The following EPB41 variants were observed in gnomAD, a reference collection of about 807,000 sequenced individuals.
EPB41 encodes the protein protein 4.1.
In EPB41, 65 loss-of-function variants were observed where a neutral mutation model predicts 108.0. The ratio of observed to expected loss-of-function variants is 0.60; its 90% confidence interval spans 0.49 to 0.74. The LOEUF is 0.74. Ranked by LOEUF, EPB41 falls within the 30% of genes least tolerant of loss-of-function variation. EPB41 has a pLI of 0.00. For missense variants in EPB41, 875 were observed against 1,037.0 expected (o/e 0.84, Z 2.15); for synonymous variants, 336 against 358.9 (o/e 0.94, Z 0.72).
At chr1:28,963,665 C>T (rs1411689608) in intron 1 of EPB41, among the ~76,000 whole-genome samples, 5 of 152,058 alleles carry the variant, frequency 3.3e-5, no homozygotes, top group African/African-American at 9.7e-5. Context: ...ATTCTCAGAT[C>T]GTTCATGGCA....
intron 11 of EPB41, among the ~76,000 whole-genome samples, chr1:29,051,847 G>A (rs981846557): frequency 1.3e-5 from 2 of 151,346 alleles, no homozygotes; most frequent in East Asian, 3.9e-4. Context: ...CTAGTGAGCC[G>A]AGATCATGCC....
At chr1:29,039,909 A>G (rs772230236) in intron 11 of EPB41, among the ~76,000 whole-genome samples, 40 of 152,238 alleles carry the variant, frequency 2.6e-4, no homozygotes, top group Non-Finnish European at 4.1e-4. Flanking sequence ...TGAGATTCCG[A>G]GAGTAGTGAC....
intron 1 of EPB41, among the ~76,000 whole-genome samples, chr1:28,888,043 T>A (rs1002718258): frequency 1.3e-5 from 2 of 152,198 alleles, no homozygotes; most frequent in Non-Finnish European, 2.9e-5. Flanking sequence ...CCTCTCCAGC[T>A]AGTTGGAGGC....
At chr1:28,967,905 A>T (rs1244936252) in intron 1 of EPB41, among the ~76,000 whole-genome samples, 1 of 151,270 alleles carries the variant, frequency 6.6e-6, no homozygotes, top group African/African-American at 2.4e-5. Flanking sequence ...CCCCGGTTCA[A>T]GTGATTTTCA....
chr1:29,058,091 CAT>C (rs762246161), intron 12 of EPB41, among the ~76,000 whole-genome samples: 6 of 152,170 alleles, frequency 3.9e-5, no homozygotes, highest in Non-Finnish European at 8.8e-5. Flanking sequence ...AGTTTGGTGT[CAT>C]ATGTGGTTTA....
chr1:29,096,546 G>A, intron 16 of EPB41: 1 of 985,736 alleles, frequency 1.0e-6, no homozygotes, highest in Non-Finnish European at 1.2e-6. Flanking sequence ...AAACAAAATG[G>A]ATCATTTCTT....
intron 11 of EPB41, among the ~76,000 whole-genome samples, chr1:29,042,696 C>G (rs1333516559): frequency 6.6e-6 from 1 of 151,902 alleles, no homozygotes; most frequent in Non-Finnish European, 1.5e-5. Context: ...CTAGGCTAGT[C>G]TTGAACTCCT....
chr1:28,927,378 A>T (rs2093505687), intron 1 of EPB41, among the ~76,000 whole-genome samples: 1 of 152,060 alleles, frequency 6.6e-6, no homozygotes, highest in Admixed American at 6.6e-5. Context: ...GTGAAAAAAA[A>T]TTTTCAGTAA....
chr1:28,943,675 A>T (rs967585497), intron 1 of EPB41, among the ~76,000 whole-genome samples: 1 of 151,974 alleles, frequency 6.6e-6, no homozygotes, highest in African/African-American at 2.4e-5. Context: ...AAACAAACAC[A>T]CTACAACGAG....
intron 17 of EPB41, among the ~76,000 whole-genome samples, chr1:29,107,889 C>T (rs1252514055): frequency 1.4e-5 from 2 of 146,514 alleles, no homozygotes; most frequent in Non-Finnish European, 1.5e-5. Flanking sequence ...ATTAGCCGGG[C>T]GTGGTGGCGC....
chr1:28,930,547 C>T lies in EPB41; in HGVS notation c.-8+15779C>T, dbSNP rs528577848. 3.3e-5 allele frequency among the ~76,000 whole-genome samples: 5 copies of T among 151,614 alleles called. No individual in the cohort carries two copies. The East Asian group carries it at 7.8e-4, about 24-fold the overall frequency. ...TTGCCTGGGCTGGAGTGCAGTGGCA[C>T]GATCTTGACTCACTGCAACCTCCGC... On this transcript the variant is annotated intron_variant, in intron 1 of 20. Coordinates refer to ENST00000343067, the MANE Select transcript of EPB41 (RefSeq NM_001376013.1).
chr1:28,889,753 A>C (rs1344561871), intron 1 of EPB41: 21 of 955,464 alleles, frequency 2.2e-5, no homozygotes, highest in Non-Finnish European at 2.6e-5. Context: ...GGACTCCTGG[A>C]GAGGAATCCT....
chr1:29,004,403 C>G (rs1004099311), intron 4 of EPB41, among the ~76,000 whole-genome samples: 2 of 152,204 alleles, frequency 1.3e-5, no homozygotes, highest in Non-Finnish European at 2.9e-5. Flanking sequence ...GATCATCAGT[C>G]AAACAGAAGT....
intron 1 of EPB41, among the ~76,000 whole-genome samples, chr1:28,894,832 G>C (rs1023670224): frequency 2.6e-5 from 4 of 152,164 alleles, no homozygotes; most frequent in African/African-American, 7.2e-5. Context: ...CCCAGCCCTG[G>C]GCTCATTCTG....
intron 1 of EPB41, among the ~76,000 whole-genome samples, chr1:28,922,275 T>G (rs990824668): frequency 2.6e-5 from 4 of 151,832 alleles, no homozygotes; most frequent in Admixed American, 2.6e-4. Context: ...GCCTATAAAA[T>G]TATATTTTAT....
intron 19 of EPB41, among the ~76,000 whole-genome samples, chr1:29,113,639 T>C (rs1472887087): frequency 6.6e-6 from 1 of 152,258 alleles, no homozygotes; most frequent in Non-Finnish European, 1.5e-5. Flanking sequence ...GGCTGAATCC[T>C]GACTCTGCGA....
intron 1 of EPB41, among the ~76,000 whole-genome samples, chr1:28,896,195 C>G (rs926859799): frequency 6.6e-6 from 1 of 152,176 alleles, no homozygotes; most frequent in Non-Finnish European, 1.5e-5. Flanking sequence ...AATAGTGAGG[C>G]ACATGGTGAG....
At chr1:29,036,921 C>A (rs1639709828) in intron 10 of EPB41, among the ~76,000 whole-genome samples, 1 of 151,938 alleles carries the variant, frequency 6.6e-6, no homozygotes, top group African/African-American at 2.4e-5. Context: ...ACCTCATGAT[C>A]TGCCCACCTC....
chr1:28,914,544 G>GCGGGC (rs1410232775), upstream of EPB41: 1 of 151,480 alleles, frequency 6.6e-6, no homozygotes, highest in Non-Finnish European at 1.5e-5. Flanking sequence ...CGGGCGGGCT[G>GCGGGC]CGGGCCGGGC....
Sources: allele counts gnomAD v4.1 joint callset (sites outside exome capture counted in the v4.1 genomes callset), GRCh38; gene constraint gnomAD v4.1.1; transcripts MANE v1.5; gene names NCBI Gene and HGNC (gene_info 2026-07-23, HGNC 2026-07-21).